ULK4: variants seen among roughly 807,000 people sequenced by gnomAD.
ULK4 encodes inactive serine/threonine-protein kinase ULK4.
Under a neutral mutation model 160.6 loss-of-function variants are expected in ULK4, and 133 were observed. The ratio of observed to expected loss-of-function variants is 0.83; its 90% confidence interval spans 0.72 to 0.96. The LOEUF (loss-of-function observed/expected upper bound fraction) is 0.96. Among genes scored for constraint, ULK4 ranks in the 40% least tolerant of loss-of-function variants. The pLI is 0.00. For synonymous variants in ULK4, 534 were observed against 539.8 expected, an observed-to-expected ratio of 0.99 and a Z score of 0.15; for missense variants, 1,580 against 1,499.5, an observed-to-expected ratio of 1.05 and a Z score of -0.89.
chr3:41,770,886 TA>T (rs1430779870), intron 21 of ULK4, among the ~76,000 whole-genome samples: 1 of 152,218 alleles, frequency 6.6e-6, no homozygotes, highest in Non-Finnish European at 1.5e-5. Flanking sequence ...TGAAGAATAT[TA>T]AGTTACTTTT....
intron 35 of ULK4, among the ~76,000 whole-genome samples, chr3:41,262,047 C>G (rs559020051): frequency 1.3e-5 from 2 of 152,314 alleles, no homozygotes; most frequent in African/African-American, 4.8e-5. Flanking sequence ...GATGGAGGCC[C>G]AGATTGGGCA....
chr3:41,302,485 G>A (rs1327929765), intron 35 of ULK4, among the ~76,000 whole-genome samples: 1 of 152,174 alleles, frequency 6.6e-6, no homozygotes, highest in Non-Finnish European at 1.5e-5. Flanking sequence ...GATGGTTGAC[G>A]GGAATGAGGA....
intron 19 of ULK4, among the ~76,000 whole-genome samples, chr3:41,803,523 T>C (rs1017824912): frequency 5.3e-5 from 8 of 152,166 alleles, no homozygotes; most frequent in Non-Finnish European, 8.8e-5. Context: ...TTAGGGTACA[T>C]GTGCACAATG....
chr3:41,312,350 C>T (rs1235078456), intron 35 of ULK4, among the ~76,000 whole-genome samples: 2 of 152,138 alleles, frequency 1.3e-5, no homozygotes, highest in African/African-American at 4.8e-5. Context: ...GAATCCATTA[C>T]AGCTAATGTT....
At chr3:41,840,743 G>A (rs562574847) in intron 17 of ULK4, among the ~76,000 whole-genome samples, 180 of 152,278 alleles carry the variant, frequency 1.2e-3, no homozygotes, top group African/African-American at 1.9e-3. Flanking sequence ...CCTTCCAGCC[G>A]CCTGCCTTGG....
chr3:41,674,670 C>A (rs542609659), intron 29 of ULK4, among the ~76,000 whole-genome samples: 18 of 152,244 alleles, frequency 1.2e-4, no homozygotes, highest in African/African-American at 4.3e-4. Flanking sequence ...ACTACCATGG[C>A]CAGTATCACC....
intron 17 of ULK4, among the ~76,000 whole-genome samples, chr3:41,876,237 T>C (rs1256975446): frequency 2.6e-5 from 4 of 152,180 alleles, no homozygotes; most frequent in Admixed American, 6.6e-5. Flanking sequence ...AAGTTGTTTC[T>C]TATAATGATG....
At chr3:41,790,467 A>C (rs2040117294) in intron 20 of ULK4, among the ~76,000 whole-genome samples, 1 of 152,250 alleles carries the variant, frequency 6.6e-6, no homozygotes, top group Admixed American at 6.5e-5. Context: ...AGCTAATAGA[A>C]TGTATTAAGT....
At chr3:41,672,018 C>A (rs1170750975) in intron 29 of ULK4, among the ~76,000 whole-genome samples, 2 of 151,998 alleles carry the variant, frequency 1.3e-5, no homozygotes, top group Admixed American at 1.3e-4. Context: ...GTCAAAACCA[C>A]AATGAGATAT....
At chr3:41,781,624 A>G (rs1278459308) in intron 21 of ULK4, among the ~76,000 whole-genome samples, 1 of 152,196 alleles carries the variant, frequency 6.6e-6, no homozygotes, top group Non-Finnish European at 1.5e-5. Flanking sequence ...TATATAAATG[A>G]AGTAGGAATA....
intron 34 of ULK4, among the ~76,000 whole-genome samples, chr3:41,427,891 A>AT (rs1197526370): frequency 6.6e-6 from 1 of 152,216 alleles, no homozygotes; most frequent in Admixed American, 6.5e-5. Context: ...CACCACTCTT[A>AT]TTCAGCATAG....
chr3:41,481,060 T>C (rs1319512690), intron 32 of ULK4, among the ~76,000 whole-genome samples: 2 of 152,088 alleles, frequency 1.3e-5, no homozygotes, highest in Non-Finnish European at 2.9e-5. Flanking sequence ...ACATACAAAA[T>C]GTATGTTAAT....
intron 31 of ULK4, among the ~76,000 whole-genome samples, chr3:41,584,906 T>C (rs2030677797): frequency 1.3e-5 from 2 of 152,020 alleles, no homozygotes; most frequent in Non-Finnish European, 2.9e-5. Context: ...CCATTTACAA[T>C]AGCATCAAAA....
At chr3:41,288,256 C>T (rs938826117) in intron 35 of ULK4, among the ~76,000 whole-genome samples, 1 of 152,082 alleles carries the variant, frequency 6.6e-6, no homozygotes, top group African/African-American at 2.4e-5. Context: ...TCACAGAAGT[C>T]CAATTTTAAG....
chr3:41,559,906 C>T (rs528635222), intron 32 of ULK4, among the ~76,000 whole-genome samples: 69 of 152,184 alleles, frequency 4.5e-4, no homozygotes, highest in African/African-American at 1.6e-3. Context: ...CTTTTGTTGC[C>T]ATTGCTTTTG....
chr3:41,443,589 C>T (rs1005683514), intron 34 of ULK4, among the ~76,000 whole-genome samples: 1 of 152,046 alleles, frequency 6.6e-6, no homozygotes, highest in African/African-American at 2.4e-5. Flanking sequence ...AGTTAACATA[C>T]CATGGTAACT....
At chr3:41,560,425 T>C (rs77212658) in intron 32 of ULK4, among the ~76,000 whole-genome samples, 27,437 of 152,214 alleles carry the variant, frequency 0.18, 3,106 homozygotes, top group South Asian at 0.29. Context: ...TTGATGCGGA[T>C]GACATTGAAT....
chr3:41,485,012 A>G (rs1161824045), intron 32 of ULK4, among the ~76,000 whole-genome samples: 1 of 152,242 alleles, frequency 6.6e-6, no homozygotes, highest in South Asian at 2.1e-4. Context: ...CCTAATGTAA[A>G]GAAAAAGTAA....
At chr3:41,805,797 C>A (rs376987492) in intron 19 of ULK4, among the ~76,000 whole-genome samples, 9 of 132,042 alleles carry the variant, frequency 6.8e-5, no homozygotes, top group Non-Finnish European at 1.5e-4. Flanking sequence ...TATTGATTTG[C>A]GTATATTGAA....
Sources: allele counts gnomAD v4.1 joint callset (sites outside exome capture counted in the v4.1 genomes callset), GRCh38; gene constraint gnomAD v4.1.1; transcripts MANE v1.5; gene names NCBI Gene and HGNC (gene_info 2026-07-23, HGNC 2026-07-21).